MCC: variants seen among roughly 807,000 people sequenced by gnomAD.
MCC encodes colorectal mutant cancer protein.
In MCC, 90 loss-of-function variants were observed where a neutral mutation model predicts 116.2. The ratio of observed to expected loss-of-function variants is 0.77; its 90% CI spans 0.65 to 0.92. MCC has a LOEUF of 0.92. MCC is among the 40% of genes least tolerant of loss of function. MCC has a pLI of 0.00. For synonymous variants in MCC, 578 were observed against 510.5 expected (o/e 1.13, Z -1.78); for missense variants, 1,516 against 1,312.2 (o/e 1.16, Z -2.40).
chr5:113,286,646 G>A (rs750025962), intron 3 of MCC, among the ~76,000 whole-genome samples: 5 of 152,098 alleles, frequency 3.3e-5, no homozygotes, highest in Non-Finnish European at 5.9e-5. Flanking sequence ...AGTTCAATGG[G>A]CTTTTTTATT....
chr5:113,218,680 T>A (rs952243093), intron 3 of MCC, among the ~76,000 whole-genome samples: 1 of 152,204 alleles, frequency 6.6e-6, no homozygotes, highest in Non-Finnish European at 1.5e-5. Context: ...CAAATGGAAC[T>A]CAATACAGAT....
intron 5 of MCC, among the ~76,000 whole-genome samples, chr5:113,129,062 C>T (rs999872711): frequency 2.0e-5 from 3 of 152,294 alleles, no homozygotes; most frequent in African/African-American, 7.2e-5. Flanking sequence ...TTTTCTCTCT[C>T]TGTCCTCAAA....
chr5:113,244,837 C>T (rs1051394600), intron 3 of MCC, among the ~76,000 whole-genome samples: 1 of 152,208 alleles, frequency 6.6e-6, no homozygotes, highest in Non-Finnish European at 1.5e-5. Context: ...TGTATAAGCA[C>T]AGCACTACCC....
intron 3 of MCC, among the ~76,000 whole-genome samples, chr5:113,312,445 C>T (rs1188572062): frequency 1.3e-5 from 2 of 152,204 alleles, no homozygotes; most frequent in Middle Eastern, 3.4e-3. Flanking sequence ...AGAAGTTAAC[C>T]AGGTGAAGGG....
chr5:113,154,379 T>TG (rs769425953), intron 3 of MCC, among the ~76,000 whole-genome samples: 7 of 152,156 alleles, frequency 4.6e-5, no homozygotes, highest in Non-Finnish European at 1.0e-4. Context: ...GAGCAGAAGT[T>TG]GGAGTGGGGG....
intron 1 of MCC, among the ~76,000 whole-genome samples, chr5:113,477,505 C>A (rs568171099): frequency 7.9e-4 from 120 of 152,252 alleles, no homozygotes; most frequent in African/African-American, 2.7e-3. Flanking sequence ...TAAAGGGCAA[C>A]AAGCAAGGTG....
intron 3 of MCC, among the ~76,000 whole-genome samples, chr5:113,199,967 GA>G (rs1762600801): frequency 6.6e-6 from 1 of 151,000 alleles, no homozygotes; most frequent in African/African-American, 2.5e-5. Flanking sequence ...ATGGGTATCT[GA>G]AACAGAATTT....
chr5:113,047,952 C>T (rs1752218547), intron 16 of MCC, among the ~76,000 whole-genome samples: 1 of 152,172 alleles, frequency 6.6e-6, no homozygotes, highest in South Asian at 2.1e-4. Context: ...TCCTCCTCCT[C>T]TGCCGGCAGG....
intron 5 of MCC, among the ~76,000 whole-genome samples, chr5:113,138,880 T>A (rs1759008362): frequency 6.6e-6 from 1 of 152,168 alleles, no homozygotes; most frequent in Non-Finnish European, 1.5e-5. Context: ...GATTGATACA[T>A]CTTCCCCTTC....
At chr5:113,384,378 G>A (rs1171408216) in intron 2 of MCC, among the ~76,000 whole-genome samples, 1 of 152,188 alleles carries the variant, frequency 6.6e-6, no homozygotes, top group African/African-American at 2.4e-5. Flanking sequence ...CACGAGGTCA[G>A]GAGATCAAGA....
At chr5:113,448,480 A>G (rs181688420) in intron 1 of MCC, among the ~76,000 whole-genome samples, 1 of 152,342 alleles carries the variant, frequency 6.6e-6, no homozygotes, top group Admixed American at 6.5e-5. Flanking sequence ...AAAGGCCATA[A>G]TGACCTTAAG....
chr5:113,456,102 C>T (rs928524663), intron 1 of MCC, among the ~76,000 whole-genome samples: 3 of 152,024 alleles, frequency 2.0e-5, no homozygotes, highest in Admixed American at 6.6e-5. Context: ...AAAATAAAAC[C>T]GTACCTGCCA....
intron 3 of MCC, among the ~76,000 whole-genome samples, chr5:113,210,826 C>A (rs1763108136): frequency 6.6e-6 from 1 of 152,166 alleles, no homozygotes; most frequent in African/African-American, 2.4e-5. Flanking sequence ...CTAAGATCGA[C>A]CCTAACCCTA....
At chr5:113,291,020 A>C (rs111882852) in intron 3 of MCC, among the ~76,000 whole-genome samples, 6,134 of 152,314 alleles carry the variant, frequency 0.04, 415 homozygotes, top group African/African-American at 0.14. Context: ...CAGACTTGAC[A>C]TAAGCCATTT....
intron 1 of MCC, among the ~76,000 whole-genome samples, chr5:113,420,287 C>A (rs1770292909): frequency 6.7e-6 from 1 of 148,594 alleles, no homozygotes; most frequent in African/African-American, 2.5e-5. Context: ...ACAACAACAG[C>A]ACCAAAAACA....
intron 8 of MCC, 57 bp from the exon 9 acceptor site, chr5:113,085,367 C>T (rs544383998): frequency 2.1e-5 from 32 of 1,527,274 alleles, no homozygotes; most frequent in Admixed American, 7.3e-5. Context: ...AAGAGCAAAA[C>T]AGCCAGATGG....
At chr5:113,066,971 G>C (rs953166867) in intron 13 of MCC, among the ~76,000 whole-genome samples, 2 of 152,198 alleles carry the variant, frequency 1.3e-5, no homozygotes, top group East Asian at 1.9e-4. Context: ...TCTGCATGGA[G>C]AGACGGCCAC....
rs1456753032 is a variant in MCC at position 113,208,842 on chromosome 5, C to A, written c.628-57420G>T. Among the ~76,000 whole-genome samples the A allele has an allele frequency of 2.0e-5, 3 of 152,160 alleles. No homozygotes were observed. In the East Asian group the frequency reaches 5.8e-4, roughly 29 times the overall value. On this transcript the variant is annotated intron_variant, in intron 3 of 18. Transcript: ENST00000408903. ...CAATATGTCCCCAACATCATGGCCA[C>A]AAAAACATAGATGTAGATTTCTTAT...
At chr5:113,233,511 A>G (rs994663149) in intron 3 of MCC, among the ~76,000 whole-genome samples, 6 of 152,184 alleles carry the variant, frequency 3.9e-5, no homozygotes, top group Admixed American at 2.0e-4. Flanking sequence ...AACCCTGGGT[A>G]TCTTAAGCCC....
Sources: gnomAD v4.1 joint callset for allele counts (sites outside exome capture counted in the v4.1 genomes callset) on GRCh38, gnomAD v4.1.1 for gene constraint, MANE v1.5 for transcripts, NCBI Gene and HGNC (gene_info 2026-07-23, HGNC 2026-07-21) for gene names.